The following PRTG variants were observed in gnomAD, a reference collection of about 807,000 sequenced individuals.
PRTG encodes the protein protogenin, also known as immunoglobulin superfamily, DCC subclass, member 5.
PRTG carries 67 observed loss-of-function variants against 122.5 expected under a neutral mutation model. The observed-to-expected ratio is 0.55, with a 90% CI of 0.45 to 0.67. The LOEUF (loss-of-function observed/expected upper bound fraction) is 0.67, where lower values mean the gene tolerates loss of function less well. Ranked by LOEUF, PRTG falls within the 30% of genes least tolerant of loss-of-function variation. PRTG has a pLI of 0.00. For synonymous variants in PRTG, 554 were observed against 501.1 expected, an observed-to-expected ratio of 1.11 and a Z score of -1.41; for missense variants, 1,435 against 1,415.4, an observed-to-expected ratio of 1.01 and a Z score of -0.22.
At chr15:55,720,258 C>G (rs2030763666) in intron 2 of PRTG, among the ~76,000 whole-genome samples, 2 of 150,844 alleles carry the variant, frequency 1.3e-5, no homozygotes, top group South Asian at 2.1e-4. Flanking sequence ...GAGGCTGGGG[C>G]AGGGAGAATT....
At chr15:55,704,898 A>T (rs9672390) in intron 2 of PRTG, among the ~76,000 whole-genome samples, 89,281 of 152,002 alleles carry the variant, frequency 0.59, 27,229 homozygotes, top group Non-Finnish European at 0.69. Flanking sequence ...AAGTAGACAT[A>T]GACTTCTGAA....
At chr15:55,647,267 G>T (rs1360526584) in intron 11 of PRTG, among the ~76,000 whole-genome samples, 5 of 152,122 alleles carry the variant, frequency 3.3e-5, no homozygotes, top group Non-Finnish European at 5.9e-5. Context: ...TGACAAGAGT[G>T]AAACTCCGTC....
chr15:55,688,697 T>A (rs1478410766), intron 2 of PRTG, among the ~76,000 whole-genome samples: 1 of 152,004 alleles, frequency 6.6e-6, no homozygotes, highest in African/African-American at 2.4e-5. Flanking sequence ...AGCTGGGCGT[T>A]GTGGTGCGTA....
rs2059155436 is a variant in PRTG at position 55,619,631 on chromosome 15, C to A, written c.*381G>T. ...CAGCAAAGGGGCTTTCAAAAGTCTT[C>A]CCTTTGCTCCAGTGATATATTTTAT... On this transcript the variant is annotated 3_prime_UTR_variant, in exon 20 of 20. Coordinates refer to ENST00000389286, the MANE Select transcript of PRTG (RefSeq NM_173814.6). The A allele has an allele frequency of 5.6e-6, 1 of 179,858 alleles. No individual in the cohort carries two copies. Among genetic ancestry groups the A allele is most frequent in the South Asian group, 1.3e-4 (1 of 7,566 alleles). 11.1% of individuals were successfully genotyped at this position (179,858 alleles called of 1,614,324 possible). A position where few individuals can be genotyped will look rare whatever the true frequency, so the allele number is the denominator to read the frequency against.
intron 1 of PRTG, among the ~76,000 whole-genome samples, chr15:55,741,449 C>G (rs1482263000): frequency 3.3e-5 from 5 of 152,176 alleles, no homozygotes; most frequent in African/African-American, 1.2e-4. Context: ...GATAGGAGAT[C>G]GCTTAATCAA....
At chr15:55,673,019 T>C (rs1300794087) in intron 10 of PRTG, among the ~76,000 whole-genome samples, 1 of 152,178 alleles carries the variant, frequency 6.6e-6, no homozygotes, top group Non-Finnish European at 1.5e-5. Flanking sequence ...TCTAGAATTT[T>C]GCAGTCCTAT....
intron 2 of PRTG, among the ~76,000 whole-genome samples, chr15:55,705,301 C>A (rs1377980939): frequency 1.3e-5 from 2 of 152,162 alleles, no homozygotes; most frequent in Non-Finnish European, 2.9e-5. Context: ...GCAAAAAGAA[C>A]AGGTAATGTC....
At chr15:55,712,580 T>C (rs761513913) in intron 2 of PRTG, among the ~76,000 whole-genome samples, 7 of 152,188 alleles carry the variant, frequency 4.6e-5, no homozygotes, top group Non-Finnish European at 7.3e-5. Flanking sequence ...GCCTCCCAAA[T>C]TGAATTAACC....
rs569494870 is a variant in PRTG at position 55,672,336 on chromosome 15, C to A, written c.2041+109G>T. 1.9e-4 allele frequency: 164 copies of A among 872,486 alleles called. 1 individual carries two copies. In the South Asian group the frequency reaches 2.4e-3, roughly 13 times the overall value. The allele number at this position is 872,486 out of a possible 1,614,324, so 54.0% of individuals were successfully genotyped here. A position where few individuals can be genotyped will look rare whatever the true frequency, so the allele number is the denominator to read the frequency against. On this transcript the variant is annotated intron_variant, in intron 11 of 19. Coordinates refer to ENST00000389286, the MANE Select transcript of PRTG (RefSeq NM_173814.6). ...ACACACTGACATAGTAAAATCAATTCTTTTCTTTGTACCATTAAGTAAGTT... is the reference window on the plus strand; with the variant it reads ...ACACACTGACATAGTAAAATCAATTATTTTCTTTGTACCATTAAGTAAGTT...
intron 2 of PRTG, among the ~76,000 whole-genome samples, chr15:55,710,084 C>T (rs1268597053): frequency 6.6e-6 from 1 of 151,956 alleles, no homozygotes; most frequent in South Asian, 2.1e-4. Context: ...AGAAAAAAGC[C>T]CCCGAAGAAT....
At chr15:55,727,839 G>T (rs930113510) in intron 2 of PRTG, among the ~76,000 whole-genome samples, 4 of 152,054 alleles carry the variant, frequency 2.6e-5, no homozygotes, top group Admixed American at 2.6e-4. Context: ...TCCAGAACCA[G>T]GTGACTTCAC....
chr15:55,660,150 AT>A (rs2059402093), intron 11 of PRTG, among the ~76,000 whole-genome samples: 1 of 152,170 alleles, frequency 6.6e-6, no homozygotes, highest in Non-Finnish European at 1.5e-5. Flanking sequence ...AAGATAAAAT[AT>A]TTTCCTCCAG....
At chr15:55,691,402 G>A (rs1429910216) in intron 2 of PRTG, among the ~76,000 whole-genome samples, 1 of 151,922 alleles carries the variant, frequency 6.6e-6, no homozygotes, top group African/African-American at 2.4e-5. Context: ...ATGTGTTAAG[G>A]CTGGGCACGG....
chr15:55,637,657 G>C (rs919204424), intron 14 of PRTG, among the ~76,000 whole-genome samples: 13 of 152,054 alleles, frequency 8.5e-5, no homozygotes, highest in African/African-American at 3.1e-4. Context: ...CTGTCCATCA[G>C]ATATTGGGTT....
chr15:55,727,579 T>C (rs2912801), intron 2 of PRTG, among the ~76,000 whole-genome samples: 6,955 of 152,212 alleles, frequency 0.046, 287 homozygotes, highest in African/African-American at 0.11. Flanking sequence ...GAGGACTGCC[T>C]GAGGTGAGGA....
chr15:55,711,569 T>A (rs2030389452), intron 2 of PRTG, among the ~76,000 whole-genome samples: 1 of 152,070 alleles, frequency 6.6e-6, no homozygotes, highest in Admixed American at 6.6e-5. Context: ...CAAAGACATG[T>A]GAACAAACTC....
chr15:55,615,797 A>C lies in PRTG; in HGVS notation c.*4215T>G, dbSNP rs773289203. On this transcript the variant is annotated 3_prime_UTR_variant, in exon 20 of 20. Coordinates refer to ENST00000389286, the MANE Select transcript of PRTG (RefSeq NM_173814.6). ...TGTATATAAGTGAACCACTATAGCTACTGCTGAAGTGAAACCACATCTGGG... is the reference window on the plus strand; with the variant it reads ...TGTATATAAGTGAACCACTATAGCTCCTGCTGAAGTGAAACCACATCTGGG... 11 of 152,112 alleles carry C rather than the reference A, an allele frequency of 7.2e-5. No homozygotes were observed. Among genetic ancestry groups the C allele is most frequent in the Admixed American group, 1.3e-4 (2 of 15,266 alleles). The allele number at this position is 152,112 out of a possible 1,614,324, so 9.4% of individuals were successfully genotyped here.
chr15:55,718,533 C>T (rs1232447652), intron 2 of PRTG, among the ~76,000 whole-genome samples: 4 of 151,682 alleles, frequency 2.6e-5, no homozygotes, highest in African/African-American at 9.7e-5. Flanking sequence ...TCTTATAAAA[C>T]GGCCCCACCC....
At chr15:55,691,737 AC>A (rs776947473) in intron 2 of PRTG, among the ~76,000 whole-genome samples, 48 of 151,832 alleles carry the variant, frequency 3.2e-4, no homozygotes, top group Non-Finnish European at 5.6e-4. Context: ...ACAGAAAAAC[AC>A]CTTTAAAACT....
Sources: allele counts gnomAD v4.1 joint callset (sites outside exome capture counted in the v4.1 genomes callset), GRCh38; gene constraint gnomAD v4.1.1; transcripts MANE v1.5; gene names NCBI Gene and HGNC (gene_info 2026-07-23, HGNC 2026-07-21).